The following PTAFR variants were observed in gnomAD, a reference collection of about 807,000 sequenced individuals.
PTAFR encodes the protein platelet activating factor receptor, also known as platelet-activating factor receptor.
A neutral mutation model predicts 14.7 loss-of-function variants in PTAFR; 8 were observed. That is an observed-to-expected ratio of 0.54 (90% confidence interval 0.32 to 0.98). The LOEUF (loss-of-function observed/expected upper bound fraction) is 0.98, where lower values mean the gene tolerates loss of function less well. Ranked by LOEUF, PTAFR falls within the 50% of genes least tolerant of loss-of-function variation. The pLI, the probability that PTAFR is intolerant of heterozygous loss-of-function variation, is 0.04. For missense variants in PTAFR, 337 were observed against 451.2 expected (o/e 0.75, Z 2.29); for synonymous variants, 156 against 176.5 (o/e 0.88, Z 0.92).
chr1:28,165,891 C>T (rs1646380232), intron 1 of PTAFR, among the ~76,000 whole-genome samples: 1 of 152,126 alleles, frequency 6.6e-6, no homozygotes, highest in East Asian at 1.9e-4. Flanking sequence ...CCATACCACC[C>T]AAAGTGATCT....
At position 28,150,919 on chromosome 1, in the gene PTAFR, A is replaced by G; in HGVS notation, c.103T>C (p.Tyr35His). Residue 35 changes from tyrosine to histidine, a missense_variant, in exon 2 of 2, where the codon TAC becomes CAC. By Grantham distance (83) the Tyr-to-His change is moderately conservative (BLOSUM62 2). Transcript: ENST00000373857. This position sits in a 1 kb window ranked among gnomAD's most constrained non-coding sequence, Gnocchi z 6.3. ...IFVLGVIANG[Y>H]VLWVFARLYP... ...AGGCGGGCAAAGACCCACAGCACGTAGCCATTAGCAATGACCCCGAGCACA... is the reference window on the plus strand; with the variant it reads ...AGGCGGGCAAAGACCCACAGCACGTGGCCATTAGCAATGACCCCGAGCACA... The G allele has an allele frequency of 6.2e-7, 1 of 1,614,142 alleles. No homozygotes were observed. Among genetic ancestry groups the G allele is most frequent in the Non-Finnish European group, 8.5e-7 (1 of 1,180,004 alleles).
At chr1:28,168,563 G>A (rs555452692) in intron 1 of PTAFR, among the ~76,000 whole-genome samples, 3 of 152,240 alleles carry the variant, frequency 2.0e-5, no homozygotes, top group East Asian at 1.9e-4. Flanking sequence ...GTAATCAAAC[G>A]CATAGAACCA....
chr1:28,193,380 T>A (rs1646672405), intron 1 of PTAFR, among the ~76,000 whole-genome samples: 1 of 152,082 alleles, frequency 6.6e-6, no homozygotes, highest in East Asian at 1.9e-4. Flanking sequence ...TTCGTGTATG[T>A]GTATAGGGAG....
At chr1:28,151,174 A>T in intron 1 of PTAFR, 115 bp from the exon 2 acceptor site, 1 of 623,972 alleles carries the variant, frequency 1.6e-6, no homozygotes, top group Non-Finnish European at 2.7e-6. Context: ...TCAGAAGTTC[A>T]TGTTGAATCT....
At chr1:28,166,525 G>T (rs1259999316) in intron 1 of PTAFR, among the ~76,000 whole-genome samples, 1 of 152,104 alleles carries the variant, frequency 6.6e-6, no homozygotes, top group African/African-American at 2.4e-5. Flanking sequence ...ACAAAAAGTA[G>T]CCAGGCATGA....
In PTAFR at chr1:28,159,727, G is replaced by A. The variant is rs1646302268; in HGVS notation, c.-38-8668C>T. Among the ~76,000 whole-genome samples, 7 of 152,044 alleles carry A rather than the reference G, an allele frequency of 4.6e-5. 1 individual carries two copies. In the South Asian group the frequency reaches 1.5e-3, roughly 32 times the overall value. On this transcript the variant is annotated intron_variant, in intron 1 of 1. Transcript: ENST00000373857. The stretch of plus-strand genomic sequence containing the variant: ...TATAATCTCAACTACTGGGGAGGCT[G>A]AGGCAGGAGAATCGCTTGAACCCAG...
At chr1:28,182,987 A>G (rs1319120914) in intron 1 of PTAFR, among the ~76,000 whole-genome samples, 2 of 151,832 alleles carry the variant, frequency 1.3e-5, no homozygotes, top group African/African-American at 4.8e-5. Context: ...GGTGGTTTTC[A>G]ATTTTTTATA....
At chr1:28,154,375 A>G (rs1353160403) in intron 1 of PTAFR, among the ~76,000 whole-genome samples, 3 of 152,248 alleles carry the variant, frequency 2.0e-5, no homozygotes, top group East Asian at 3.9e-4. Context: ...CTGAGCACCA[A>G]CTGCAGGTAA....
At position 28,150,558 on chromosome 1, in the gene PTAFR, A is replaced by G. The variant is rs774122651; in HGVS notation, c.464T>C (p.Leu155Pro). ...IVGAASYFLI[L>P]DSTNTVPDSA... ...GTCGGGCACTGTGTTGGTGGAGTCC[A>G]GGATGAGGAAGTAGGATGCAGCTCC... The change falls in exon 2 of 2, where the codon CTG becomes CCG. Residue 155 changes from leucine to proline, a missense_variant. Coordinates refer to ENST00000373857, the MANE Select transcript of PTAFR (RefSeq NM_000952.5). This position sits in a 1 kb window ranked among gnomAD's most constrained non-coding sequence, Gnocchi z 6.3. The G allele has an allele frequency of 6.2e-7, 1 of 1,614,218 alleles. No individual in the cohort carries two copies. The highest frequency in any genetic ancestry group is 1.1e-5 in the South Asian group (1 of 91,090).
intron 1 of PTAFR, among the ~76,000 whole-genome samples, chr1:28,166,563 C>A (rs374355276): frequency 6.6e-6 from 1 of 151,670 alleles, no homozygotes; most frequent in Admixed American, 6.6e-5. Flanking sequence ...CCCAGCTACT[C>A]GGGAGGCTGA....
intron 1 of PTAFR, among the ~76,000 whole-genome samples, chr1:28,156,261 C>CAA (rs951128837): frequency 1.5e-3 from 188 of 129,224 alleles, no homozygotes; most frequent in Non-Finnish European, 2.7e-3. Flanking sequence ...AACAAAACTC[C>CAA]AAAAAAAAAA....
chr1:28,191,122 C>T (rs565517743), intron 1 of PTAFR, among the ~76,000 whole-genome samples: 11 of 152,358 alleles, frequency 7.2e-5, no homozygotes, highest in South Asian at 6.2e-4. Context: ...AGACCTGCTC[C>T]GCTCCCTATC....
intron 1 of PTAFR, among the ~76,000 whole-genome samples, chr1:28,191,202 C>A (rs1370073850): frequency 2.6e-5 from 4 of 152,112 alleles, no homozygotes; most frequent in Non-Finnish European, 2.9e-5. Flanking sequence ...CCAGGCCTCG[C>A]GGGGGAGGCC....
chr1:28,177,898 ATAAG>A (rs1041926289), upstream of PTAFR, among the ~76,000 whole-genome samples: 1 of 152,072 alleles, frequency 6.6e-6, no homozygotes, highest in Non-Finnish European at 1.5e-5. Context: ...TCCCGTGTGC[ATAAG>A]TGAGAGGTGA....
rs779009566 is a variant in PTAFR at position 28,149,980 on chromosome 1, C to T, written c.*13G>A. On this transcript the variant is annotated 3_prime_UTR_variant, in exon 2 of 2. Transcript: ENST00000373857. ...GTTCATGGAGGAGAAGACTTCAGGC[C>T]TGGAAGCAGGGACTAATTTTTGAGG... 2 of 1,602,504 alleles carry T rather than the reference C, an allele frequency of 1.2e-6. No homozygotes were observed. The highest frequency in any genetic ancestry group is 2.3e-5 in the South Asian group (2 of 88,694).
intron 1 of PTAFR, among the ~76,000 whole-genome samples, chr1:28,190,543 G>A (rs569319760): frequency 4.3e-4 from 65 of 152,290 alleles, no homozygotes; most frequent in African/African-American, 1.5e-3. Flanking sequence ...TCTGGAGAAT[G>A]AGGAAGTGAG....
At chr1:28,152,462 G>A (rs923138304) in intron 1 of PTAFR, among the ~76,000 whole-genome samples, 2 of 152,236 alleles carry the variant, frequency 1.3e-5, no homozygotes, top group South Asian at 2.1e-4. Context: ...AATCAGCTGG[G>A]TGTGGTGTTG....
In PTAFR at chr1:28,149,924, TATCCC is replaced by T; in HGVS notation, c.*64_*68del. On this transcript the variant is annotated 3_prime_UTR_variant, in exon 2 of 2. Transcript: ENST00000373857. Reference sequence around the variant, plus strand: ...GAGGTGGTGCCCAGACCACAGTAGATATCCCTTCTTCCCCCAGCTCAGTCCATGAT... The same window carrying T: ...GAGGTGGTGCCCAGACCACAGTAGATTTCTTCCCCCAGCTCAGTCCATGAT... 1 of 1,537,746 alleles carries T rather than the reference TATCCC, an allele frequency of 6.5e-7. No homozygotes were observed. The highest frequency in any genetic ancestry group is 2.3e-5 in the East Asian group (1 of 44,350).
intron 1 of PTAFR, among the ~76,000 whole-genome samples, chr1:28,188,169 G>T (rs1646621926): frequency 6.6e-6 from 1 of 152,058 alleles, no homozygotes; most frequent in African/African-American, 2.4e-5. Flanking sequence ...AAAATGGCTG[G>T]GAGCAGTGGC....
Sources: gnomAD v4.1 joint callset for allele counts (sites outside exome capture counted in the v4.1 genomes callset) on GRCh38, gnomAD v4.1.1 for gene constraint, Gnocchi (gnomAD v3.1) non-coding constraint, MANE v1.5 for transcripts, NCBI Gene and HGNC (gene_info 2026-07-23, HGNC 2026-07-21) for gene names.